Variants in ZNF704 observed in about 807,000 individuals in gnomAD.
The protein encoded by ZNF704 is glucocorticoid induced gene 1.
ZNF704 carries 10 observed loss-of-function variants against 44.7 expected under a neutral mutation model. The ratio of observed to expected loss-of-function variants is 0.22; its 90% CI spans 0.14 to 0.38. The LOEUF (loss-of-function observed/expected upper bound fraction) is 0.38. Among genes scored for constraint, ZNF704 ranks in the 10% least tolerant of loss-of-function variants. ZNF704 has a pLI of 1.00. For missense variants in ZNF704, 390 were observed against 545.5 expected, an observed-to-expected ratio of 0.71 and a Z score of 2.84; for synonymous variants, 211 against 207.6, an observed-to-expected ratio of 1.02 and a Z score of -0.14.
At chr8:80,673,045 G>A (rs771967504) in intron 4 of ZNF704, among the ~76,000 whole-genome samples, 4 of 152,134 alleles carry the variant, frequency 2.6e-5, no homozygotes, top group Admixed American at 6.6e-5. Context: ...ATGAATAAAT[G>A]ATATTTCATG....
intron 2 of ZNF704, among the ~76,000 whole-genome samples, chr8:80,705,403 T>C (rs1463378232): frequency 6.6e-6 from 1 of 151,406 alleles, no homozygotes; most frequent in Non-Finnish European, 1.5e-5. Context: ...CCTTTGTGTA[T>C]GTGTGTCTGT....
chr8:80,707,891 T>C (rs1818921598), intron 2 of ZNF704, among the ~76,000 whole-genome samples: 2 of 152,234 alleles, frequency 1.3e-5, no homozygotes, highest in Non-Finnish European at 1.5e-5. Context: ...GCAGAATTCC[T>C]TGCTCCAAAG....
chr8:80,849,961 A>G (rs930585666), intron 1 of ZNF704, among the ~76,000 whole-genome samples: 37 of 152,232 alleles, frequency 2.4e-4, no homozygotes, highest in Non-Finnish European at 2.9e-5. Context: ...CATAACACTG[A>G]GATTCCATTA....
chr8:80,798,957 T>C (rs901096509), intron 2 of ZNF704, among the ~76,000 whole-genome samples: 4 of 152,190 alleles, frequency 2.6e-5, no homozygotes, highest in African/African-American at 9.7e-5. Context: ...CCAAAGTGGC[T>C]CATGGCATGA....
intron 2 of ZNF704, among the ~76,000 whole-genome samples, chr8:80,795,172 C>T (rs1262665639): frequency 6.6e-6 from 1 of 152,152 alleles, no homozygotes; most frequent in Non-Finnish European, 1.5e-5. Flanking sequence ...AGACAAGAAG[C>T]ACCAGCACCT....
chr8:80,847,590 A>G (rs1808788165), intron 1 of ZNF704, among the ~76,000 whole-genome samples: 1 of 152,226 alleles, frequency 6.6e-6, no homozygotes, highest in East Asian at 1.9e-4. Context: ...TACAGCTACC[A>G]TAACTCAAGA....
intron 2 of ZNF704, among the ~76,000 whole-genome samples, chr8:80,710,592 T>G (rs1294023687): frequency 6.6e-6 from 1 of 152,152 alleles, no homozygotes; most frequent in Non-Finnish European, 1.5e-5. Context: ...GATGAGGTCA[T>G]GAAGGTAGAG....
Position 80,640,215 on chromosome 8 carries a change from T to C in ZNF704, c.*1151A>G, listed in dbSNP as rs1011057589. ...TCCATTTACTCACATAATGTTTATA[T>C]TGTTAATTAACTCATCTCCCGGACA... On this transcript the variant is annotated 3_prime_UTR_variant, in exon 9 of 9. Transcript: ENST00000327835. The C allele has an allele frequency of 6.5e-6, 1 of 152,672 alleles. No individual in the cohort carries two copies. Among genetic ancestry groups the C allele is most frequent in the African/African-American group, 2.4e-5 (1 of 41,466 alleles). 9.5% of individuals were successfully genotyped at this position (152,672 alleles called of 1,614,324 possible). A position where few individuals can be genotyped will look rare whatever the true frequency, so the allele number is the denominator to read the frequency against.
intron 2 of ZNF704, among the ~76,000 whole-genome samples, chr8:80,813,705 C>T (rs549449581): frequency 2.0e-5 from 3 of 152,126 alleles, no homozygotes; most frequent in East Asian, 3.9e-4. Context: ...GGTGAAACCC[C>T]GTCTCTACTA....
At chr8:80,880,177 A>T in the ZNF704 span, among the ~76,000 whole-genome samples, 1 of 152,106 alleles carries the variant, frequency 6.6e-6, no homozygotes, top group Non-Finnish European at 1.5e-5. Context: ...ACACTTGTCC[A>T]CCTTGTGAAC....
chr8:80,789,415 TGTTA>T (rs1475700924), intron 2 of ZNF704, among the ~76,000 whole-genome samples: 2 of 152,136 alleles, frequency 1.3e-5, no homozygotes, highest in Admixed American at 6.5e-5. Flanking sequence ...TTAAATTAAT[TGTTA>T]AAGATGGTAA....
chr8:80,854,665 CAG>C (rs1042004156), intron 1 of ZNF704, among the ~76,000 whole-genome samples: 1 of 152,056 alleles, frequency 6.6e-6, no homozygotes, highest in Admixed American at 6.5e-5. Flanking sequence ...CTTAGAACAA[CAG>C]AAACAAAAAA....
rs1817552382 is a variant in ZNF704, at chr8:80,629,583, A to AG, written c.*11782dup. On this transcript the variant is annotated 3_prime_UTR_variant, in exon 9 of 9. Transcript: ENST00000327835. ...GATTAAAGAGCGAAGACAAATTATT[A>AG]GGGGAAAAAGTTTCATGAAAATATG... The AG allele has an allele frequency of 6.6e-6, 1 of 152,208 alleles. No individual in the cohort carries two copies. The highest frequency in any genetic ancestry group is 1.5e-5 in the Non-Finnish European group (1 of 68,022). 9.4% of individuals were successfully genotyped at this position (152,208 alleles called of 1,614,324 possible). A position where few individuals can be genotyped will look rare whatever the true frequency, so the allele number is the denominator to read the frequency against.
At chr8:80,863,945 A>C (rs968091270) in intron 1 of ZNF704, among the ~76,000 whole-genome samples, 9 of 152,142 alleles carry the variant, frequency 5.9e-5, no homozygotes, top group African/African-American at 2.2e-4. Flanking sequence ...CTCCCTTGGC[A>C]CTTTTAAATT....
intron 2 of ZNF704, among the ~76,000 whole-genome samples, chr8:80,728,473 T>G (rs777192300): frequency 2.0e-5 from 3 of 152,158 alleles, no homozygotes; most frequent in Non-Finnish European, 2.9e-5. Flanking sequence ...GCATTAGACA[T>G]GCAATTTTGT....
In ZNF704 at chr8:80,730,536, C is replaced by T. The variant is rs55998039; in HGVS notation, c.222-37429G>A. ...CCTGGGTGACAGAGCAAGACTACAT[C>T]TTAAAAAAAAAAAAAAAAAAAAAAA... On this transcript the variant is annotated intron_variant, in intron 2 of 8. Transcript: ENST00000327835. 7.6e-4 allele frequency among the ~76,000 whole-genome samples: 46 copies of T among 60,526 alleles called. 1 individual carries two copies. Among genetic ancestry groups the T allele is most frequent in the African/African-American group, 3.7e-3 (46 of 12,464 alleles). 39.7% of individuals were successfully genotyped at this position (60,526 alleles called of 152,430 possible). A position where few individuals can be genotyped will look rare whatever the true frequency, so the allele number is the denominator to read the frequency against.
At chr8:80,846,836 A>G (rs1808775020) in intron 1 of ZNF704, among the ~76,000 whole-genome samples, 1 of 152,214 alleles carries the variant, frequency 6.6e-6, no homozygotes, top group African/African-American at 2.4e-5. Flanking sequence ...AAACAGTCAC[A>G]TTTCTATATA....
At position 80,716,782 on chromosome 8, in the gene ZNF704, G is replaced by T. The variant is rs113368388; in HGVS notation, c.222-23675C>A. On this transcript the variant is annotated intron_variant, in intron 2 of 8. Transcript: ENST00000327835. ...CTAAAATCTGAAAACAAGAACTCAA[G>T]AATCTATTCAGACTGGGATTATACT... Among the ~76,000 whole-genome samples, 264 of 152,328 alleles carry T rather than the reference G, an allele frequency of 1.7e-3. 1 individual carries two copies. Among genetic ancestry groups the T allele is most frequent in the African/African-American group, 6.1e-3 (252 of 41,570 alleles).
At chr8:80,779,499 A>C (rs1227242586) in intron 2 of ZNF704, among the ~76,000 whole-genome samples, 2 of 152,138 alleles carry the variant, frequency 1.3e-5, no homozygotes, top group East Asian at 3.8e-4. Flanking sequence ...TGGAATTTTG[A>C]TCAGTACCCT....
Sources: gnomAD v4.1 joint callset for allele counts (sites outside exome capture counted in the v4.1 genomes callset) on GRCh38, gnomAD v4.1.1 for gene constraint, MANE v1.5 for transcripts, NCBI Gene and HGNC (gene_info 2026-07-23, HGNC 2026-07-21) for gene names.